Variants in STPG2 observed in about 807,000 individuals in gnomAD.
STPG2 encodes the protein sperm-tail PG-rich repeat-containing protein 2.
Under a neutral mutation model 54.2 loss-of-function variants are expected in STPG2, and 56 were observed. The ratio of observed to expected loss-of-function variants is 1.03; its 90% CI spans 0.83 to 1.29. The LOEUF (loss-of-function observed/expected upper bound fraction) is 1.29. Among genes scored for constraint, STPG2 ranks in the 50% most tolerant of loss-of-function variants. The pLI is 0.00. For missense variants in STPG2, 596 were observed against 544.9 expected (o/e 1.09, Z -0.93); for synonymous variants, 200 against 181.8 (o/e 1.10, Z -0.81).
intron 4 of STPG2, among the ~76,000 whole-genome samples, chr4:97,491,106 C>G (rs562650955): frequency 1.3e-5 from 2 of 151,264 alleles, no homozygotes; most frequent in African/African-American, 2.4e-5. Flanking sequence ...TTGACTGAGA[C>G]CTAAGTCCAC....
intron 5 of STPG2, among the ~76,000 whole-genome samples, chr4:97,982,413 G>A (rs545569761): frequency 3.2e-4 from 36 of 113,582 alleles, no homozygotes; most frequent in African/African-American, 1.2e-3. Context: ...CACACACACA[G>A]ATTTTGAAAG....
At chr4:97,574,347 A>C (rs1016001444) in intron 10 of STPG2, among the ~76,000 whole-genome samples, 1 of 152,104 alleles carries the variant, frequency 6.6e-6, no homozygotes, top group African/African-American at 2.4e-5. Context: ...AGAGGAAAAC[A>C]TACAAATTTA....
At chr4:97,899,118 C>A (rs545189518) in intron 8 of STPG2, among the ~76,000 whole-genome samples, 1 of 151,688 alleles carries the variant, frequency 6.6e-6, no homozygotes, top group African/African-American at 2.4e-5. Context: ...AACAACTACA[C>A]CAAACTTTCA....
intron 10 of STPG2, among the ~76,000 whole-genome samples, chr4:97,649,074 G>A (rs140132414): frequency 6.6e-6 from 1 of 152,144 alleles, no homozygotes; most frequent in Non-Finnish European, 1.5e-5. Flanking sequence ...CTCACTAATT[G>A]TCAGAAAATG....
intron 8 of STPG2, among the ~76,000 whole-genome samples, chr4:97,934,419 G>C (rs1732670486): frequency 6.6e-6 from 1 of 152,140 alleles, no homozygotes; most frequent in Non-Finnish European, 1.5e-5. Flanking sequence ...TGGTGAGAGA[G>C]GGCATCCTCA....
rs1261700850 is a variant in STPG2, at chr4:97,840,916, C to G, written c.1061G>C (p.Gly354Ala). The change falls in exon 9 of 11, where the codon GGC becomes GCC. Residue 354 changes from glycine (G) to alanine (A), a missense_variant. Gly to Ala is a moderately conservative substitution (Grantham distance 60, BLOSUM62 0). Coordinates refer to ENST00000295268, the MANE Select transcript of STPG2 (RefSeq NM_174952.3). ...ATATGATTTGTGAACATCATAGCTGCCTGGCGCTGGAATAACCTGAAAAAA... is the reference window on the plus strand; with the variant it reads ...ATATGATTTGTGAACATCATAGCTGGCTGGCGCTGGAATAACCTGAAAAAA... ...KVPDMVIPAPGSYDVHKSYEM... is the reference protein window; with the variant it reads ...KVPDMVIPAPASYDVHKSYEM... The G allele has an allele frequency of 6.2e-7, 1 of 1,610,606 alleles. No homozygotes were observed. Among genetic ancestry groups the G allele is most frequent in the Non-Finnish European group, 8.5e-7 (1 of 1,178,066 alleles).
chr4:98,047,981 A>C (rs17549003), intron 5 of STPG2, among the ~76,000 whole-genome samples: 59,913 of 151,976 alleles, frequency 0.39, 12,036 homozygotes, highest in Middle Eastern at 0.46. Context: ...GATTATAGAG[A>C]CCGGAGACAG....
At chr4:98,023,387 C>T (rs969884416) in intron 5 of STPG2, among the ~76,000 whole-genome samples, 4 of 152,174 alleles carry the variant, frequency 2.6e-5, no homozygotes, top group South Asian at 2.1e-4. Flanking sequence ...CTGATCAGTC[C>T]TCTGGAAGTT....
chr4:98,043,267 G>A (rs1310490766), intron 5 of STPG2, among the ~76,000 whole-genome samples: 1 of 151,966 alleles, frequency 6.6e-6, no homozygotes, highest in African/African-American at 2.4e-5. Context: ...GTTGGATGTT[G>A]TTTTTAATCT....
intron 8 of STPG2, among the ~76,000 whole-genome samples, chr4:97,941,807 T>C (rs1434364159): frequency 6.6e-6 from 1 of 152,016 alleles, no homozygotes; most frequent in South Asian, 2.1e-4. Flanking sequence ...TTTCATTACA[T>C]ACACATTATA....
chr4:98,048,216 C>A (rs1461080332), intron 5 of STPG2, among the ~76,000 whole-genome samples: 2 of 152,110 alleles, frequency 1.3e-5, no homozygotes, highest in Non-Finnish European at 2.9e-5. Context: ...TCCCCAGATT[C>A]TCTTGGCTTT....
intron 8 of STPG2, among the ~76,000 whole-genome samples, chr4:97,861,971 C>A (rs1729564160): frequency 6.6e-6 from 1 of 151,822 alleles, no homozygotes; most frequent in Admixed American, 6.6e-5. Flanking sequence ...CAAAAACATG[C>A]CAAATTGTAA....
intron 4 of STPG2, among the ~76,000 whole-genome samples, chr4:97,467,160 A>G (rs1252350673): frequency 2.6e-5 from 4 of 151,970 alleles, no homozygotes; most frequent in Admixed American, 6.6e-5. Flanking sequence ...CCTTAACCAG[A>G]CATTACTTTG....
chr4:97,926,265 C>G (rs977150056), intron 8 of STPG2, among the ~76,000 whole-genome samples: 8 of 152,134 alleles, frequency 5.3e-5, no homozygotes, highest in African/African-American at 1.9e-4. Flanking sequence ...ACCACTACTT[C>G]CCAAACTCCA....
At chr4:97,924,504 T>G (rs1732260200) in intron 8 of STPG2, among the ~76,000 whole-genome samples, 1 of 152,224 alleles carries the variant, frequency 6.6e-6, no homozygotes, top group Non-Finnish European at 1.5e-5. Flanking sequence ...TATAACTATG[T>G]TAAGCATATC....
At chr4:97,814,472 G>A (rs575915437) in intron 9 of STPG2, among the ~76,000 whole-genome samples, 113 of 152,226 alleles carry the variant, frequency 7.4e-4, no homozygotes, top group African/African-American at 2.7e-3. Flanking sequence ...GAGATTAAAG[G>A]TACATGCCAC....
chr4:98,132,919 T>C (rs1740038333), intron 2 of STPG2, among the ~76,000 whole-genome samples: 1 of 141,730 alleles, frequency 7.1e-6, no homozygotes, highest in Admixed American at 7.2e-5. Flanking sequence ...ATAAAGGCCC[T>C]TAGAAAAATT....
chr4:97,644,151 G>A (rs1195201631), intron 10 of STPG2, among the ~76,000 whole-genome samples: 1 of 151,774 alleles, frequency 6.6e-6, no homozygotes, highest in East Asian at 1.9e-4. Context: ...AACAAATAGA[G>A]CTTTAGGAAA....
chr4:97,916,673 C>A (rs1483623547), intron 8 of STPG2: 1 of 152,928 alleles, frequency 6.5e-6, no homozygotes, highest in Non-Finnish European at 1.5e-5. Flanking sequence ...AGGAAGACGT[C>A]TCCTCCCACC....
Sources: allele counts gnomAD v4.1 joint callset (sites outside exome capture counted in the v4.1 genomes callset), GRCh38; gene constraint gnomAD v4.1.1; transcripts MANE v1.5; gene names NCBI Gene and HGNC (gene_info 2026-07-23, HGNC 2026-07-21).